PLXDC2: variants seen among roughly 807,000 people sequenced by gnomAD.
PLXDC2 encodes plexin domain-containing protein 2.
Under a neutral mutation model 68.9 loss-of-function variants are expected in PLXDC2, and 40 were observed. The observed-to-expected ratio is 0.58, with a 90% CI of 0.45 to 0.76. The LOEUF is 0.76. Ranked by LOEUF, PLXDC2 falls within the 30% of genes least tolerant of loss-of-function variation. The pLI, the probability that PLXDC2 is intolerant of heterozygous loss-of-function variation, is 0.00. For synonymous variants in PLXDC2, 243 were observed against 234.2 expected (o/e 1.04, Z -0.34); for missense variants, 644 against 661.9 (o/e 0.97, Z 0.30).
chr10:20,220,713 T>G (rs916019783), intron 12 of PLXDC2, among the ~76,000 whole-genome samples: 1 of 152,310 alleles, frequency 6.6e-6, no homozygotes, highest in East Asian at 1.9e-4. Flanking sequence ...TGTTGCTGGC[T>G]TGGGGCTACA....
intron 1 of PLXDC2, among the ~76,000 whole-genome samples, chr10:19,901,053 C>A (rs1408342288): frequency 6.7e-6 from 1 of 148,706 alleles, no homozygotes; most frequent in Admixed American, 6.8e-5. Flanking sequence ...ATATATAAAA[C>A]AATTTATTTA....
intron 3 of PLXDC2, among the ~76,000 whole-genome samples, chr10:20,056,790 A>T (rs1343717494): frequency 2.0e-5 from 3 of 152,140 alleles, no homozygotes; most frequent in African/African-American, 7.2e-5. Context: ...ATTCTTTTAC[A>T]TAAAATTAGC....
intron 4 of PLXDC2, among the ~76,000 whole-genome samples, chr10:20,133,638 T>C (rs1253295454): frequency 6.6e-6 from 1 of 152,214 alleles, no homozygotes; most frequent in Non-Finnish European, 1.5e-5. Flanking sequence ...TTTCTCGCTA[T>C]GTCTTTGACT....
At chr10:19,981,392 G>A (rs1834546864) in intron 1 of PLXDC2, among the ~76,000 whole-genome samples, 1 of 152,138 alleles carries the variant, frequency 6.6e-6, no homozygotes, top group Non-Finnish European at 1.5e-5. Flanking sequence ...CTAAAGTCTT[G>A]ATACATGGGT....
At chr10:20,169,167 A>G (rs919412574) in intron 7 of PLXDC2, among the ~76,000 whole-genome samples, 1 of 152,166 alleles carries the variant, frequency 6.6e-6, no homozygotes, top group African/African-American at 2.4e-5. Context: ...AAATTTTTGC[A>G]TGTATCTGAT....
chr10:20,163,691 C>A (rs1834336407), intron 6 of PLXDC2, among the ~76,000 whole-genome samples: 1 of 152,066 alleles, frequency 6.6e-6, no homozygotes, highest in Non-Finnish European at 1.5e-5. Context: ...GTAATCATAT[C>A]TCCAATGGAT....
At chr10:20,025,386 C>T (rs1359137868) in intron 2 of PLXDC2, among the ~76,000 whole-genome samples, 2 of 152,042 alleles carry the variant, frequency 1.3e-5, no homozygotes, top group Admixed American at 1.3e-4. Flanking sequence ...CCTCAACCTC[C>T]CAAGTAGCTG....
intron 1 of PLXDC2, among the ~76,000 whole-genome samples, chr10:19,818,234 G>GTGTA (rs1358093873): frequency 1.1e-3 from 89 of 81,394 alleles, no homozygotes; most frequent in African/African-American, 3.5e-3. Context: ...TCTGGTGTGT[G>GTGTA]TGTGTGTGTG....
intron 13 of PLXDC2, among the ~76,000 whole-genome samples, chr10:20,252,341 C>T (rs890568498): frequency 2.0e-5 from 3 of 152,110 alleles, no homozygotes; most frequent in African/African-American, 7.2e-5. Flanking sequence ...TCAATAATTT[C>T]TGTATAATTA....
In PLXDC2 at chr10:19,816,965, C is replaced by G. The variant is rs1465556798; in HGVS notation, c.-115C>G. On this transcript the variant is annotated 5_prime_UTR_variant, in exon 1 of 14. Transcript: ENST00000377252. ...ATCGCAGCGACATTTACAAAGGCCT[C>G]CGGGTCCTACCGAGACCGATCCGCA... 2.8e-6 allele frequency: 2 copies of G among 709,092 alleles called. No homozygotes were observed. Among genetic ancestry groups the G allele is most frequent in the African/African-American group, 3.6e-5 (2 of 55,818 alleles). The allele number at this position is 709,092 out of a possible 1,614,324, so 43.9% of individuals were successfully genotyped here. A position where few individuals can be genotyped will look rare whatever the true frequency, so the allele number is the denominator to read the frequency against.
chr10:19,944,279 C>G (rs1833866092), intron 1 of PLXDC2, among the ~76,000 whole-genome samples: 4 of 152,018 alleles, frequency 2.6e-5, no homozygotes, highest in Admixed American at 2.6e-4. Context: ...GATTAAGAAT[C>G]TGCTTTTTTT....
intron 12 of PLXDC2, among the ~76,000 whole-genome samples, chr10:20,238,696 C>T (rs866531692): frequency 1.1e-3 from 125 of 112,980 alleles, no homozygotes; most frequent in Middle Eastern, 4.4e-3. Context: ...TATATATACA[C>T]ACATATATAT....
chr10:19,989,048 G>A (rs1170900359), intron 1 of PLXDC2, among the ~76,000 whole-genome samples: 1 of 151,766 alleles, frequency 6.6e-6, no homozygotes, highest in African/African-American at 2.4e-5. Context: ...GATCCACCAG[G>A]CTTGGCCTCC....
intron 10 of PLXDC2, among the ~76,000 whole-genome samples, chr10:20,212,809 G>A (rs149926872): frequency 1.3e-3 from 191 of 152,160 alleles, no homozygotes; most frequent in East Asian, 1.9e-3. Flanking sequence ...GTGCTCATCC[G>A]TCTCACCTCA....
chr10:20,068,290 G>C lies in PLXDC2; in HGVS notation c.541+51G>C, dbSNP rs771541319. 3.5e-6 allele frequency: 5 copies of C among 1,420,000 alleles called. No homozygotes were observed. In the African/African-American group the frequency reaches 7.1e-5, roughly 20 times the overall value. 88.0% of individuals were successfully genotyped at this position (1,420,000 alleles called of 1,614,324 possible). ...TTAAGTAATCTATGGTTTGACTGCA[G>C]TTATTATTTTTAAGTTACTCTATAT... On this transcript the variant is annotated intron_variant, in intron 4 of 13. Coordinates refer to ENST00000377252, the MANE Select transcript of PLXDC2 (RefSeq NM_032812.9).
At chr10:20,030,582 C>T (rs943411967) in intron 2 of PLXDC2, among the ~76,000 whole-genome samples, 11 of 152,152 alleles carry the variant, frequency 7.2e-5, no homozygotes, top group Non-Finnish European at 1.5e-4. Flanking sequence ...AGGGTAGGCT[C>T]AGGTTTTGTA....
At chr10:20,144,995 A>T (rs911812689) in intron 5 of PLXDC2, among the ~76,000 whole-genome samples, 2 of 152,092 alleles carry the variant, frequency 1.3e-5, no homozygotes, top group Non-Finnish European at 2.9e-5. Flanking sequence ...CTCCAACTGA[A>T]CTCTTAAGTT....
intron 1 of PLXDC2, among the ~76,000 whole-genome samples, chr10:19,966,362 CAT>C (rs1180855255): frequency 7.1e-6 from 1 of 140,656 alleles, no homozygotes; most frequent in Non-Finnish European, 1.5e-5. Flanking sequence ...TATGTATACA[CAT>C]ATATAAAAAA....
intron 12 of PLXDC2, among the ~76,000 whole-genome samples, chr10:20,235,573 A>G (rs376620972): frequency 1.9e-4 from 29 of 152,314 alleles, no homozygotes; most frequent in African/African-American, 6.3e-4. Flanking sequence ...TGCAGAAAAG[A>G]AGACAGGATT....
Sources: allele counts gnomAD v4.1 joint callset (sites outside exome capture counted in the v4.1 genomes callset), GRCh38; gene constraint gnomAD v4.1.1; transcripts MANE v1.5; gene names NCBI Gene and HGNC (gene_info 2026-07-23, HGNC 2026-07-21).